The following CSMD1 variants were observed in gnomAD, a reference collection of about 807,000 sequenced individuals.
The protein encoded by CSMD1 is CUB and sushi domain-containing protein 1.
A neutral mutation model predicts 417.5 loss-of-function variants in CSMD1; 213 were observed. The observed-to-expected ratio is 0.51, with a 90% confidence interval of 0.46 to 0.57. The LOEUF is 0.57. Ranked by LOEUF, CSMD1 falls within the 20% of genes least tolerant of loss-of-function variation. The pLI is 0.00. For missense variants in CSMD1, 6,923 were observed against 4,529.7 expected, an observed-to-expected ratio of 1.53 and a Z score of -15.17; for synonymous variants, 2,862 against 1,736.8, an observed-to-expected ratio of 1.65 and a Z score of -16.11.
Position 2,954,226 on chromosome 8 carries a change from G to T in CSMD1, c.10037C>A (p.Pro3346Gln). 1 of 1,496,812 alleles carries T rather than the reference G, an allele frequency of 6.7e-7. No individual in the cohort carries two copies. The highest frequency in any genetic ancestry group is 1.2e-5 in the South Asian group (1 of 80,624). The allele number at this position is 1,496,812 out of a possible 1,614,324, so 92.7% of individuals were successfully genotyped here. Residue 3346 changes from proline to glutamine, a missense_variant and splice_region_variant, in exon 65 of 70, where the codon CCA (proline) becomes CAA (glutamine). Physicochemically the swap from Pro to Gln is moderately conservative, Grantham distance 76. Coordinates refer to ENST00000635120, the MANE Select transcript of CSMD1 (RefSeq NM_033225.6). ...REVNETVTKT[P>Q]VPSDVFFVNS... Reference sequence around the variant, plus strand: ...TAGAACTGTTCTGGTATACAAACCTGGAGTTTTAGTAACTGTTTCATTAAC... The same window carrying T: ...TAGAACTGTTCTGGTATACAAACCTTGAGTTTTAGTAACTGTTTCATTAAC...
At chr8:3,075,020 G>C (rs747845691) in intron 49 of CSMD1, among the ~76,000 whole-genome samples, 1 of 149,880 alleles carries the variant, frequency 6.7e-6, no homozygotes, top group African/African-American at 2.5e-5. Context: ...CCTCATGATA[G>C]TGAGTGAGTT....
intron 41 of CSMD1, among the ~76,000 whole-genome samples, chr8:3,118,946 C>T (rs773724738): frequency 8.5e-5 from 13 of 152,064 alleles, no homozygotes; most frequent in Non-Finnish European, 1.5e-4. Flanking sequence ...TCTGGGAGGC[C>T]GAGGCGGGAG....
At chr8:3,231,752 G>A (rs993832184) in intron 26 of CSMD1, among the ~76,000 whole-genome samples, 7 of 152,110 alleles carry the variant, frequency 4.6e-5, no homozygotes, top group Non-Finnish European at 1.0e-4. Flanking sequence ...CCTATAGTTG[G>A]TCAGACCTGC....
intron 2 of CSMD1, among the ~76,000 whole-genome samples, chr8:4,628,727 A>G (rs2616988): frequency 0.71 from 106,792 of 151,422 alleles, 38,025 homozygotes; most frequent in Admixed American, 0.8. Context: ...ATGGGAAGCC[A>G]TCTAAGAGCC....
intron 26 of CSMD1, among the ~76,000 whole-genome samples, chr8:3,263,243 T>G (rs1342739091): frequency 2.0e-5 from 3 of 152,164 alleles, no homozygotes; most frequent in Non-Finnish European, 4.4e-5. Flanking sequence ...GGATTACAGG[T>G]GTGTGCCACC....
intron 1 of CSMD1, chr8:4,787,900 G>A: frequency 1.3e-6 from 2 of 1,584,710 alleles, no homozygotes; most frequent in South Asian, 1.1e-5. Context: ...ATTTGGTGTT[G>A]ATGTAACCAC....
intron 26 of CSMD1, among the ~76,000 whole-genome samples, chr8:3,249,152 T>C (rs1289353275): frequency 6.6e-6 from 1 of 152,082 alleles, no homozygotes; most frequent in East Asian, 1.9e-4. Flanking sequence ...ATAGTAACTA[T>C]TATAAGCTGT....
chr8:3,413,417 T>A (rs536543988), intron 12 of CSMD1, among the ~76,000 whole-genome samples: 65 of 152,318 alleles, frequency 4.3e-4, no homozygotes, highest in African/African-American at 1.5e-3. Flanking sequence ...TGTTTGTTTA[T>A]CCTGATGCAT....
At chr8:3,393,697 G>T (rs1400857725) in intron 17 of CSMD1, among the ~76,000 whole-genome samples, 1 of 151,860 alleles carries the variant, frequency 6.6e-6, no homozygotes, top group Non-Finnish European at 1.5e-5. Flanking sequence ...TAGGGACATG[G>T]ATGAAGCTGG....
intron 7 of CSMD1, among the ~76,000 whole-genome samples, chr8:3,706,900 T>G (rs1195074398): frequency 6.6e-6 from 1 of 152,200 alleles, no homozygotes; most frequent in Non-Finnish European, 1.5e-5. Context: ...TTTTTTCCCT[T>G]CAGTTTTCCC....
At chr8:4,905,819 C>CAAAA (rs147276107) in intron 1 of CSMD1, among the ~76,000 whole-genome samples, 36 of 94,328 alleles carry the variant, frequency 3.8e-4, no homozygotes, top group African/African-American at 1.3e-3. Context: ...GACTCCATCT[C>CAAAA]AAAAAAAAAA....
intron 3 of CSMD1, among the ~76,000 whole-genome samples, chr8:4,401,112 C>T (rs1804618290): frequency 6.6e-6 from 1 of 152,098 alleles, no homozygotes; most frequent in African/African-American, 2.4e-5. Context: ...TAACCTTCTT[C>T]AGCTCCACAT....
Position 2,966,829 on chromosome 8 carries a change from G to A in CSMD1, c.8924-83C>T, listed in dbSNP as rs113128454. 587 of 1,259,888 alleles carry A rather than the reference G, an allele frequency of 4.7e-4. 3 individuals carry two copies. In the African/African-American group the frequency reaches 7.5e-3, roughly 16 times the overall value. 78.0% of individuals were successfully genotyped at this position (1,259,888 alleles called of 1,614,324 possible). On this transcript the variant is annotated intron_variant, in intron 57 of 69. Coordinates refer to ENST00000635120, the MANE Select transcript of CSMD1 (RefSeq NM_033225.6). The stretch of plus-strand genomic sequence containing the variant: ...AAACACAAGAGACCAATGGGTATCA[G>A]TGCAATAGACTACACATTTATTACA...
chr8:3,697,938 T>C (rs964085157), intron 7 of CSMD1, among the ~76,000 whole-genome samples: 1 of 152,238 alleles, frequency 6.6e-6, no homozygotes, highest in Admixed American at 6.5e-5. Context: ...TCTTTAATTG[T>C]ATGCTGAAAC....
intron 3 of CSMD1, among the ~76,000 whole-genome samples, chr8:4,268,170 A>C (rs1804338667): frequency 6.6e-6 from 1 of 152,140 alleles, no homozygotes; most frequent in South Asian, 2.1e-4. Context: ...CAACAACTTA[A>C]TTTGGACTCT....
chr8:4,145,926 T>G (rs146127179), intron 3 of CSMD1, among the ~76,000 whole-genome samples: 4 of 150,934 alleles, frequency 2.7e-5, no homozygotes, highest in Non-Finnish European at 5.9e-5. Context: ...ATTGGCCCCA[T>G]TGTTTGTAAG....
chr8:4,271,122 G>C (rs560340665), intron 3 of CSMD1, among the ~76,000 whole-genome samples: 1 of 152,222 alleles, frequency 6.6e-6, no homozygotes, highest in Admixed American at 6.5e-5. Context: ...TCCTCATTCT[G>C]CCTGGAGCTT....
At chr8:4,001,822 A>T (rs1585111697) in intron 4 of CSMD1, among the ~76,000 whole-genome samples, 2 of 152,176 alleles carry the variant, frequency 1.3e-5, no homozygotes, top group Admixed American at 6.5e-5. Context: ...TTGGGAAAGG[A>T]GTAGATGACA....
chr8:4,065,768 G>A (rs1389309757), intron 3 of CSMD1, among the ~76,000 whole-genome samples: 2 of 152,188 alleles, frequency 1.3e-5, no homozygotes, highest in Non-Finnish European at 2.9e-5. Flanking sequence ...AATATTTGGG[G>A]AACTACAGCA....
Sources: gnomAD v4.1 joint callset for allele counts (sites outside exome capture counted in the v4.1 genomes callset) on GRCh38, gnomAD v4.1.1 for gene constraint, MANE v1.5 for transcripts, NCBI Gene and HGNC (gene_info 2026-07-23, HGNC 2026-07-21) for gene names.